The following FYB1 variants were observed in gnomAD, a reference collection of about 807,000 sequenced individuals.
FYB1 encodes the protein FYN binding protein 1.
FYB1 carries 41 observed loss-of-function variants against 94.1 expected under a neutral mutation model. The ratio of observed to expected loss-of-function variants is 0.44; its 90% confidence interval spans 0.34 to 0.57. The LOEUF is 0.57. Ranked by LOEUF, FYB1 falls within the 20% of genes least tolerant of loss-of-function variation. The pLI is 0.02. For synonymous variants in FYB1, 367 were observed against 353.2 expected, an observed-to-expected ratio of 1.04 and a Z score of -0.44; for missense variants, 1,050 against 976.8, an observed-to-expected ratio of 1.07 and a Z score of -1.00.
chr5:39,144,776 T>C (rs10040113), intron 3 of FYB1, among the ~76,000 whole-genome samples: 3,154 of 152,222 alleles, frequency 0.021, 90 homozygotes, highest in African/African-American at 0.063. Context: ...CACTCTAGAC[T>C]GGATAACAGA....
chr5:39,263,842 C>A (rs17468120), intron 1 of FYB1, among the ~76,000 whole-genome samples: 1 of 152,096 alleles, frequency 6.6e-6, no homozygotes, highest in Non-Finnish European at 1.5e-5. Flanking sequence ...AGAGGATGCA[C>A]GTCACTTCAG....
chr5:39,138,695 TA>T lies in FYB1; in HGVS notation c.1360-5del. The T allele has an allele frequency of 6.7e-7, 1 of 1,485,986 alleles. No homozygotes were observed. Among genetic ancestry groups the T allele is most frequent in the Non-Finnish European group, 9.3e-7 (1 of 1,072,414 alleles). 92.1% of individuals were successfully genotyped at this position (1,485,986 alleles called of 1,614,324 possible). On this transcript the variant is annotated splice_polypyrimidine_tract_variant and splice_region_variant and intron_variant, in intron 5 of 18. Coordinates refer to ENST00000512982, the MANE Select transcript of FYB1 (RefSeq NM_001465.6). ...TTTCTCCTTCACTGTCTTGTTCCTG[TA>T]AAGAAAAACATTGATAATGATTAAT...
At chr5:39,146,098 A>G (rs900957589) in intron 3 of FYB1, among the ~76,000 whole-genome samples, 8 of 151,816 alleles carry the variant, frequency 5.3e-5, no homozygotes, top group African/African-American at 1.9e-4. Context: ...TATTTTTAAT[A>G]GAGACAGGGT....
intron 1 of FYB1, among the ~76,000 whole-genome samples, chr5:39,239,683 A>C (rs1490541758): frequency 1.3e-5 from 2 of 152,240 alleles, no homozygotes; most frequent in Non-Finnish European, 2.9e-5. Context: ...ATGGAAAATC[A>C]TTCCATACTC....
intron 2 of FYB1, among the ~76,000 whole-genome samples, chr5:39,186,045 G>A (rs900405881): frequency 2.6e-5 from 4 of 152,044 alleles, no homozygotes; most frequent in African/African-American, 2.4e-5. Flanking sequence ...CCCCATGTCC[G>A]GGCACACTAA....
chr5:39,212,761 T>C (rs1749514550), intron 1 of FYB1: 1 of 152,204 alleles, frequency 6.6e-6, no homozygotes, highest in South Asian at 2.1e-4. Flanking sequence ...TTTTCCATGG[T>C]GTTCACCCTG....
At position 39,184,367 on chromosome 5, in the gene FYB1, T is replaced by A. The variant is rs370710853; in HGVS notation, c.1135+17459A>T. The stretch of plus-strand genomic sequence containing the variant: ...TTCTATGAGGAGGTAGGTACACTTA[T>A]CTTAATAAAATCAATAATGTTGTTT... On this transcript the variant is annotated intron_variant, in intron 2 of 18. Transcript: ENST00000512982. 8.5e-5 allele frequency among the ~76,000 whole-genome samples: 13 copies of A among 152,304 alleles called. No individual in the cohort carries two copies. The East Asian group carries it at 2.5e-3, about 29-fold the overall frequency.
intron 2 of FYB1, among the ~76,000 whole-genome samples, chr5:39,155,995 C>T (rs561843699): frequency 5.3e-5 from 8 of 152,226 alleles, no homozygotes; most frequent in Admixed American, 2.0e-4. Context: ...AAAGAGAATA[C>T]GCCTCTGTGA....
intron 3 of FYB1, among the ~76,000 whole-genome samples, chr5:39,148,495 C>A (rs1236139973): frequency 2.2e-5 from 3 of 135,982 alleles, no homozygotes; most frequent in Non-Finnish European, 4.6e-5. Flanking sequence ...AATCTTGCGG[C>A]CTTTTCTCTG....
intron 1 of FYB1, chr5:39,270,697 C>T (rs1164669060): frequency 2.5e-6 from 2 of 790,054 alleles, no homozygotes; most frequent in Admixed American, 2.9e-5. Context: ...GTCTGTCCAG[C>T]TTTCACACAT....
chr5:39,225,487 T>C (rs1199111628), intron 1 of FYB1, among the ~76,000 whole-genome samples: 1 of 152,226 alleles, frequency 6.6e-6, no homozygotes, highest in Non-Finnish European at 1.5e-5. Context: ...TCTTTTTTCT[T>C]AGTGCACTTA....
At chr5:39,201,105 A>C (rs552965441) in intron 2 of FYB1, among the ~76,000 whole-genome samples, 2 of 152,346 alleles carry the variant, frequency 1.3e-5, no homozygotes, top group Admixed American at 1.3e-4. Context: ...TTATACTGAG[A>C]AATGGAAAAT....
At chr5:39,148,666 G>A (rs575937467) in intron 3 of FYB1, among the ~76,000 whole-genome samples, 42 of 151,880 alleles carry the variant, frequency 2.8e-4, no homozygotes, top group Admixed American at 2.4e-3. Flanking sequence ...TAATGAAAAG[G>A]TTATAATGGT....
intron 2 of FYB1, among the ~76,000 whole-genome samples, chr5:39,182,603 T>C (rs559273028): frequency 1.3e-5 from 2 of 152,180 alleles, no homozygotes; most frequent in Non-Finnish European, 2.9e-5. Context: ...TTTAGGAGAA[T>C]CATCTTCCTT....
rs574493171 is a variant in FYB1 at position 39,216,593 on chromosome 5, G to A, written c.-28+2850C>T. On this transcript the variant is annotated intron_variant, in intron 1 of 18. Coordinates refer to ENST00000512982, the MANE Select transcript of FYB1 (RefSeq NM_001465.6). ...CCTGCAACAGGCCCCAGTGTGTGTC[G>A]TTCCCCTCCCTGTGTTTGTGCTGGA... Among the ~76,000 whole-genome samples the A allele has an allele frequency of 8.7e-4, 133 of 152,180 alleles. 1 individual carries two copies. Among genetic ancestry groups the A allele is most frequent in the African/African-American group, 2.9e-3 (121 of 41,524 alleles).
rs532913240 is a variant in FYB1, at chr5:39,247,513, T to C, written c.-28+26890A>G. Among the ~76,000 whole-genome samples, 8 of 152,244 alleles carry C rather than the reference T, an allele frequency of 5.3e-5. No homozygotes were observed. The East Asian group carries it at 1.5e-3, about 29-fold the overall frequency. On this transcript the variant is annotated intron_variant, in intron 1 of 1. Transcript: ENST00000510188. ...ATAGTTTTGGCACAGTTCAGAAAAC[T>C]GGGTTCATGTCAACAGATTAACATC...
At chr5:39,172,962 C>T (rs923995930) in intron 2 of FYB1, among the ~76,000 whole-genome samples, 5 of 152,266 alleles carry the variant, frequency 3.3e-5, no homozygotes, top group South Asian at 4.1e-4. Context: ...TCGGTATATA[C>T]CCAGTAGTAG....
intron 2 of FYB1, among the ~76,000 whole-genome samples, chr5:39,189,986 T>A (rs973740368): frequency 6.6e-6 from 1 of 152,216 alleles, no homozygotes; most frequent in Non-Finnish European, 1.5e-5. Context: ...AGTTGCTCCT[T>A]CATAGATCTG....
intron 2 of FYB1, among the ~76,000 whole-genome samples, chr5:39,161,853 A>G (rs998553125): frequency 6.6e-6 from 1 of 152,178 alleles, no homozygotes; most frequent in Non-Finnish European, 1.5e-5. Context: ...CCCCATCCCT[A>G]TCCCCAAACC....
Sources: allele counts gnomAD v4.1 joint callset (sites outside exome capture counted in the v4.1 genomes callset), GRCh38; gene constraint gnomAD v4.1.1; transcripts MANE v1.5; gene names NCBI Gene and HGNC (gene_info 2026-07-23, HGNC 2026-07-21).